Variants in FANCM observed in about 807,000 individuals in gnomAD.
FANCM encodes Fanconi anemia group M protein.
In FANCM, 140 loss-of-function variants were observed where a neutral mutation model predicts 199.5. The observed-to-expected ratio is 0.70, with a 90% CI of 0.61 to 0.81. The LOEUF (loss-of-function observed/expected upper bound fraction) is 0.81. Among genes scored for constraint, FANCM ranks in the 30% least tolerant of loss-of-function variants. The probability of loss-of-function intolerance (pLI) is 0.00; values close to 1 mark genes in which losing one functional copy is unlikely to be tolerated. For missense variants in FANCM, 2,410 were observed against 2,421.4 expected, an observed-to-expected ratio of 1.00 and a Z score of 0.10; for synonymous variants, 840 against 836.8, an observed-to-expected ratio of 1.00 and a Z score of -0.07.
chr14:45,169,383 G>GTTTTTTTTTTTTTCATTTTTTTTT (rs202096596), intron 11 of FANCM, among the ~76,000 whole-genome samples: 1 of 137,602 alleles, frequency 7.3e-6, no homozygotes, highest in Non-Finnish European at 1.6e-5. Flanking sequence ...TTATTTATTT[G>GTTTTTTTTTTTTTCATTTTTTTTT]TTTTTTTTTT....
In FANCM at chr14:45,176,147, T is replaced by C; in HGVS notation, c.3393T>C (p.Asp1131=). The change falls in exon 14 of 23, where the codon GAT becomes GAC. Residue 1131 remains aspartate, a synonymous_variant. Transcript: ENST00000267430. Reference sequence around the variant, plus strand: ...TCCCAGTATTGTCCACTGATCAAGATGAAAGTTTGCTGTTATTTGAAGATG... The same window carrying C: ...TCCCAGTATTGTCCACTGATCAAGACGAAAGTTTGCTGTTATTTGAAGATG... The part of the protein sequence containing the change: ...SDLPVLSTDQ[D]ESLLLFEDVN... 6.2e-7 allele frequency: 1 copy of C among 1,614,084 alleles called. No homozygotes were observed. The highest frequency in any genetic ancestry group is 8.5e-7 in the Non-Finnish European group (1 of 1,179,942).
chr14:45,168,711 A>G (rs949416432), intron 11 of FANCM, among the ~76,000 whole-genome samples: 5 of 148,502 alleles, frequency 3.4e-5, no homozygotes, highest in Admixed American at 2.7e-4. Context: ...TATAAAATAT[A>G]TACTAGTGTA....
At chr14:45,158,861 C>G (rs1247538940) in intron 8 of FANCM, among the ~76,000 whole-genome samples, 1 of 152,060 alleles carries the variant, frequency 6.6e-6, no homozygotes, top group Non-Finnish European at 1.5e-5. Context: ...GAGACTGGGT[C>G]TTGCTATGTT....
intron 22 of FANCM, among the ~76,000 whole-genome samples, chr14:45,199,303 T>G (rs1303475945): frequency 6.6e-6 from 1 of 152,204 alleles, no homozygotes; most frequent in Non-Finnish European, 1.5e-5. Context: ...AGGGAGATTT[T>G]AGAATGTAGT....
Position 45,151,437 on chromosome 14 carries a change from T to A in FANCM, c.959T>A (p.Val320Asp). 6.2e-7 allele frequency: 1 copy of A among 1,613,598 alleles called. No homozygotes were observed. Among genetic ancestry groups the A allele is most frequent in the East Asian group, 2.2e-5 (1 of 44,842 alleles). Residue 320 changes from valine (V) to aspartate (D), a missense_variant, in exon 5 of 23, where the codon GTT (valine) becomes GAT (aspartate). Transcript: ENST00000267430. Reference protein sequence around the residue: ...SFARSLIQRNVLMRRDIPNLT... With the variant: ...SFARSLIQRNDLMRRDIPNLT... The stretch of plus-strand genomic sequence containing the variant: ...GCTCGTTCTTTGATTCAGAGGAATG[T>A]TTTGATGAGAAGGGATATCCCAAAT...
Position 45,176,190 on chromosome 14 carries a change from G to A in FANCM, c.3436G>A (p.Asp1146Asn), listed in dbSNP as rs142077813. 1.1e-5 allele frequency: 18 copies of A among 1,613,910 alleles called. No individual in the cohort carries two copies. The African/African-American group carries it at 1.3e-4, about 12-fold the overall frequency. ...LFEDVNTEFD[D>N]VSLSPLNSKS... ...TGAAGATGTTAATACAGAGTTCGAC[G>A]ATGTGAGTCTTTCACCCTTGAACAG... Residue 1146 changes from aspartate (D) to asparagine (N), a missense_variant, in exon 14 of 23, where the codon GAT becomes AAT. Physicochemically the swap from Asp to Asn is conservative, Grantham distance 23 (BLOSUM62 1). Transcript: ENST00000267430.
chr14:45,156,202 G>A (rs1566739791), intron 8 of FANCM, among the ~76,000 whole-genome samples: 1 of 152,132 alleles, frequency 6.6e-6, no homozygotes, highest in South Asian at 2.1e-4. Flanking sequence ...ATTCCAAGCA[G>A]TAAAAATAGC....
chr14:45,199,773 C>T, intron 22 of FANCM, 97 bp from the exon 23 acceptor site: 1 of 1,066,022 alleles, frequency 9.4e-7, no homozygotes, highest in Non-Finnish European at 1.4e-6. Context: ...GAGATGATTT[C>T]CTTAAAGGCT....
Position 45,185,195 on chromosome 14 carries a change from T to G in FANCM, c.4516-22T>G, listed in dbSNP as rs544620577. 458 of 1,501,274 alleles carry G rather than the reference T, an allele frequency of 3.1e-4. 6 individuals carry two copies. In the South Asian group the frequency reaches 5.0e-3, roughly 16 times the overall value. 93.0% of individuals were successfully genotyped at this position (1,501,274 alleles called of 1,614,324 possible). ...TTATTTTCTCACTGATATCTTCATGTTTTCTAATTTGTCTTACTTAGCATG... is the reference window on the plus strand; with the variant it reads ...TTATTTTCTCACTGATATCTTCATGGTTTCTAATTTGTCTTACTTAGCATG... On this transcript the variant is annotated intron_variant, in intron 17 of 22. Transcript: ENST00000267430.
Position 45,154,705 on chromosome 14 carries a change from C to G in FANCM, c.1192C>G (p.Arg398Gly), listed in dbSNP as rs752364451. Residue 398 changes from arginine (R) to glycine (G), a missense_variant, in exon 7 of 23, where the codon CGG (arginine) becomes GGG (glycine). Transcript: ENST00000267430. ...TTTCTTAATTTCTGAAGGGATGACA[C>G]GGTCAAAAAATGAACTTGGCCGAAA... ...GIMDGTKGMT[R>G]SKNELGRNED... is the part of the protein sequence containing the mutation. The G allele has an allele frequency of 1.9e-6, 3 of 1,590,874 alleles. No homozygotes were observed. The Admixed American group carries it at 5.0e-5, about 27-fold the overall frequency.
intron 3 of FANCM, among the ~76,000 whole-genome samples, chr14:45,144,154 C>T (rs532202176): frequency 3.3e-5 from 5 of 152,090 alleles, no homozygotes; most frequent in Admixed American, 1.3e-4. Flanking sequence ...GGGTATCCAT[C>T]ACCTTAAGCA....
chr14:45,153,555 A>T (rs906183528), intron 5 of FANCM, among the ~76,000 whole-genome samples: 6 of 152,238 alleles, frequency 3.9e-5, no homozygotes, highest in Admixed American at 2.0e-4. Flanking sequence ...GTAGATGCTT[A>T]CTATATAGTT....
chr14:45,153,969 T>C lies in FANCM; in HGVS notation c.1100T>C (p.Leu367Ser), dbSNP rs769814213. Residue 367 changes from leucine (L) to serine (S), a missense_variant, in exon 6 of 23, where the codon TTA becomes TCA. By Grantham distance (145) the Leu-to-Ser change is moderately radical (BLOSUM62 -2). Coordinates refer to ENST00000267430, the MANE Select transcript of FANCM (RefSeq NM_020937.4). ...GGAGAGTTTGCTATTTGTATTAGTT[T>C]ATATCATGGTTATGAATTATTGCAG... ...IEGEFAICIS[L>S]YHGYELLQQM... 2 of 1,601,746 alleles carry C rather than the reference T, an allele frequency of 1.2e-6. No homozygotes were observed. The highest frequency in any genetic ancestry group is 1.7e-6 in the Non-Finnish European group (2 of 1,168,792).
intron 10 of FANCM, among the ~76,000 whole-genome samples, chr14:45,166,578 A>T (rs1269894699): frequency 6.6e-6 from 1 of 152,068 alleles, no homozygotes; most frequent in Non-Finnish European, 1.5e-5. Flanking sequence ...CTTGGAGTTC[A>T]AGACTAGCCT....
intron 17 of FANCM, among the ~76,000 whole-genome samples, chr14:45,184,533 A>G (rs1031358498): frequency 6.6e-6 from 1 of 151,816 alleles, no homozygotes; most frequent in Admixed American, 6.6e-5. Context: ...GTGATGGCAC[A>G]TGCCTGTAAT....
intron 17 of FANCM, among the ~76,000 whole-genome samples, chr14:45,184,180 T>G (rs575790670): frequency 4.5e-4 from 68 of 152,268 alleles, no homozygotes; most frequent in African/African-American, 1.6e-3. Flanking sequence ...GAAGAAAATA[T>G]AGAATTAGAA....
chr14:45,191,798 T>G (rs1889783605), intron 20 of FANCM, among the ~76,000 whole-genome samples: 1 of 152,216 alleles, frequency 6.6e-6, no homozygotes, highest in Non-Finnish European at 1.5e-5. Context: ...TTAAAAATAC[T>G]AATATTTGCA....
chr14:45,155,459 G>T lies in FANCM; in HGVS notation c.1396G>T (p.Ala466Ser). 1 of 1,439,612 alleles carries T rather than the reference G, an allele frequency of 6.9e-7. No individual in the cohort carries two copies. Among genetic ancestry groups the T allele is most frequent in the Non-Finnish European group, 9.8e-7 (1 of 1,022,630 alleles). The allele number at this position is 1,439,612 out of a possible 1,614,324, so 89.2% of individuals were successfully genotyped here. A position where few individuals can be genotyped will look rare whatever the true frequency, so the allele number is the denominator to read the frequency against. ...AATTGAACACTTCAAGTCATGGAAT[G>T]GTAGGTCATATTTAGTAGCTTTAAG... ...VVIEHFKSWNAENTTEKKRDE... is the reference protein window; with the variant it reads ...VVIEHFKSWNSENTTEKKRDE... Residue 466 changes from alanine to serine, a missense_variant and splice_region_variant, in exon 8 of 23, where the codon GCT becomes TCT. Transcript: ENST00000267430.
chr14:45,144,513 C>A (rs528051358), intron 3 of FANCM, among the ~76,000 whole-genome samples: 1 of 152,290 alleles, frequency 6.6e-6, no homozygotes, highest in South Asian at 2.1e-4. Context: ...TAGAAATCTA[C>A]CTTGTGCTCT....
Sources: gnomAD v4.1 joint callset for allele counts (sites outside exome capture counted in the v4.1 genomes callset) on GRCh38, gnomAD v4.1.1 for gene constraint, MANE v1.5 for transcripts, NCBI Gene and HGNC (gene_info 2026-07-23, HGNC 2026-07-21) for gene names.